The following MPRIP variants were observed in gnomAD, a reference collection of about 807,000 sequenced individuals.
The protein encoded by MPRIP is myosin phosphatase Rho-interacting protein.
In MPRIP, 59 loss-of-function variants were observed where a neutral mutation model predicts 234.9. The ratio of observed to expected loss-of-function variants is 0.25; its 90% CI spans 0.20 to 0.31. The LOEUF is 0.31. Among genes scored for constraint, MPRIP ranks in the 10% least tolerant of loss-of-function variants. The probability of loss-of-function intolerance (pLI) is 1.00; values close to 1 mark genes in which losing one functional copy is unlikely to be tolerated. For missense variants in MPRIP, 2,436 were observed against 3,071.0 expected, an observed-to-expected ratio of 0.79 and a Z score of 4.89; for synonymous variants, 1,144 against 1,263.9, an observed-to-expected ratio of 0.91 and a Z score of 2.01.
chr17:17,062,768 T>C (rs2088905988), intron 1 of MPRIP, among the ~76,000 whole-genome samples: 1 of 152,250 alleles, frequency 6.6e-6, no homozygotes, highest in Admixed American at 6.5e-5. Context: ...ACTGTTTCTC[T>C]GTTGGGTGTT....
rs539544183 is a variant in MPRIP at position 17,109,833 on chromosome 17, G to C, written c.268-16869G>C. On this transcript the variant is annotated intron_variant, in intron 3 of 23. Transcript: ENST00000651222. Reference sequence around the variant, plus strand: ...CCAGGAAGTGCTTTGAGGCTGCACAGGTGCACATGCGGATGGGGGTGTGTC... The same window carrying C: ...CCAGGAAGTGCTTTGAGGCTGCACACGTGCACATGCGGATGGGGGTGTGTC... Among the ~76,000 whole-genome samples the C allele has an allele frequency of 1.2e-4, 18 of 152,348 alleles. No homozygotes were observed. In the South Asian group the frequency reaches 3.5e-3, roughly 30 times the overall value.
chr17:17,108,651 C>T (rs1410540838), intron 3 of MPRIP, among the ~76,000 whole-genome samples: 2 of 152,230 alleles, frequency 1.3e-5, no homozygotes, highest in Non-Finnish European at 2.9e-5. Flanking sequence ...GAGGTCTGGG[C>T]CCCCTGAAGC....
chr17:17,052,706 C>A (rs536441375), intron 1 of MPRIP, among the ~76,000 whole-genome samples: 5 of 152,342 alleles, frequency 3.3e-5, no homozygotes, highest in Admixed American at 2.0e-4. Context: ...TCGCCCAGAT[C>A]TTCACCTCTC....
intron 1 of MPRIP, among the ~76,000 whole-genome samples, chr17:17,045,811 T>TG (rs993794035): frequency 6.6e-6 from 1 of 151,582 alleles, no homozygotes; most frequent in Non-Finnish European, 1.5e-5. Context: ...TATACAGTTT[T>TG]TTTTTTTTTT....
chr17:17,106,017 C>A (rs10852844), intron 3 of MPRIP, among the ~76,000 whole-genome samples: 18,832 of 152,216 alleles, frequency 0.12, 1,624 homozygotes, highest in East Asian at 0.29. Context: ...AGATTAAGCA[C>A]ACCTGTGTAG....
Position 17,164,909 on chromosome 17 carries a change from G to A in MPRIP, c.3318G>A (p.Glu1106=). 7.7e-7 allele frequency: 1 copy of A among 1,303,854 alleles called. No homozygotes were observed. Among genetic ancestry groups the A allele is most frequent in the Non-Finnish European group, 1.0e-6 (1 of 988,712 alleles). The allele number at this position is 1,303,854 out of a possible 1,614,324, so 80.8% of individuals were successfully genotyped here. ...LAEHVQSLCD[E]RDLLRQRFQE... ...AGCACGTGCAGAGCCTCTGTGACGAGCGGGACCTCCTCAGACAGCGGTTCC... is the reference window on the plus strand; with the variant it reads ...AGCACGTGCAGAGCCTCTGTGACGAACGGGACCTCCTCAGACAGCGGTTCC... Residue 1106 remains glutamate (E), a synonymous_variant, in exon 16 of 24, where the codon GAG becomes GAA. Coordinates refer to ENST00000651222, the MANE Select transcript of MPRIP (RefSeq NM_001364716.4).
At chr17:17,134,307 G>C (rs983444724) in intron 5 of MPRIP, among the ~76,000 whole-genome samples, 3 of 152,170 alleles carry the variant, frequency 2.0e-5, no homozygotes, top group African/African-American at 7.2e-5. Context: ...CTGCTGCCGG[G>C]GTGGGCAGTT....
At position 17,171,716 on chromosome 17, in the gene MPRIP, A is replaced by G; in HGVS notation, c.6325-2A>G. 6.2e-7 allele frequency: 1 copy of G among 1,608,112 alleles called. No individual in the cohort carries two copies. Among genetic ancestry groups the G allele is most frequent in the Non-Finnish European group, 8.5e-7 (1 of 1,178,918 alleles). On this transcript the variant is annotated splice_acceptor_variant, in intron 16 of 23. Transcript: ENST00000651222. LOFTEE classifies it high-confidence loss of function. ...CGATGAAGTCCCTTTTGCATTTTGC[A>G]GGCCACGTGCGAGCGAGGGTTTGCA...
intron 1 of MPRIP, among the ~76,000 whole-genome samples, chr17:17,052,949 T>G (rs16961288): frequency 0.082 from 12,499 of 152,106 alleles, 724 homozygotes; most frequent in East Asian, 0.17. Context: ...TCGTGGTCCT[T>G]CCCATAGATA....
Position 17,165,623 on chromosome 17 carries a change from C to T in MPRIP, c.4032C>T (p.Ser1344=), listed in dbSNP as rs200227865. The change falls in exon 16 of 24, where the codon AGC becomes AGT. Residue 1344 remains serine (S), a synonymous_variant. Coordinates refer to ENST00000651222, the MANE Select transcript of MPRIP (RefSeq NM_001364716.4). ...HPEGSEKTWT[S]STSSDTSQDR... is the part of the protein sequence containing the mutation. ...AAGGGTCTGAGAAGACCTGGACCAG[C>T]AGCACATCTTCCGACACCAGCCAGG... 8,374 of 1,304,928 alleles carry T rather than the reference C, an allele frequency of 6.4e-3. 36 individuals carry two copies. Among genetic ancestry groups the T allele is most frequent in the Middle Eastern group, 0.014 (65 of 4,702 alleles). 80.8% of individuals were successfully genotyped at this position (1,304,928 alleles called of 1,614,324 possible).
intron 3 of MPRIP, among the ~76,000 whole-genome samples, chr17:17,087,168 T>C (rs8067563): frequency 0.083 from 12,561 of 152,144 alleles, 733 homozygotes; most frequent in East Asian, 0.17. Context: ...AGGGTGACAG[T>C]TGGGGGTTCC....
chr17:17,139,319 AG>A (rs1228730498), intron 7 of MPRIP, among the ~76,000 whole-genome samples: 14 of 152,228 alleles, frequency 9.2e-5, no homozygotes, highest in Admixed American at 4.6e-4. Context: ...AGGGTTCCTC[AG>A]CCAGGTTTAT....
chr17:17,141,775 C>T (rs1284943135), intron 7 of MPRIP: 1 of 152,598 alleles, frequency 6.6e-6, no homozygotes, highest in Non-Finnish European at 1.5e-5. Flanking sequence ...CTTAGGTGCC[C>T]CTGGGAGAAC....
chr17:17,147,454 G>A (rs2045497981), intron 11 of MPRIP, 67 bp downstream of exon 11: 1 of 1,438,756 alleles, frequency 7.0e-7, no homozygotes, highest in African/African-American at 1.4e-5. Context: ...TCTGGGGCTA[G>A]TAGATCTGCT....
Position 17,167,270 on chromosome 17 carries a change from G to A in MPRIP, c.5679G>A (p.Glu1893=). 1 of 1,303,956 alleles carries A rather than the reference G, an allele frequency of 7.7e-7. No individual in the cohort carries two copies. 80.8% of individuals were successfully genotyped at this position (1,303,956 alleles called of 1,614,324 possible). A position where few individuals can be genotyped will look rare whatever the true frequency, so the allele number is the denominator to read the frequency against. ...GGGCCCTGAGGGAGGAGTATGAGGA[G>A]CTTCTCCGCAAGCAGAAGAGCGAGT... is the stretch of plus-strand genomic sequence containing the variant. ...AARALREEYE[E]LLRKQKSEYL... Residue 1893 remains glutamate, a synonymous_variant, in exon 16 of 24, where the codon GAG becomes GAA. Coordinates refer to ENST00000651222, the MANE Select transcript of MPRIP (RefSeq NM_001364716.4). This position sits in a 1 kb window ranked among gnomAD's most constrained non-coding sequence, Gnocchi z 5.9.
chr17:17,113,063 T>A (rs1306184332), intron 3 of MPRIP, among the ~76,000 whole-genome samples: 1 of 152,182 alleles, frequency 6.6e-6, no homozygotes, highest in African/African-American at 2.4e-5. Flanking sequence ...TCCCCAGGGT[T>A]GGGGCTGGAA....
rs1197147640 is a variant in MPRIP at position 17,164,525 on chromosome 17, ACAGCAGGCGCTG to A, written c.2939_2950del (p.Gln980_Gln983del). 8.3e-7 allele frequency: 1 copy of A among 1,209,326 alleles called. No homozygotes were observed. The highest frequency in any genetic ancestry group is 5.8e-5 in the East Asian group (1 of 17,352). 74.9% of individuals were successfully genotyped at this position (1,209,326 alleles called of 1,614,324 possible). On this transcript the variant is annotated inframe_deletion, in exon 16 of 24. Transcript: ENST00000651222. ...CGCAGGAGCTACGGGGCCTGGAGAC[ACAGCAGGCGCTG>A]CAGCGGGACCGGCAGAAGGAGGTCC...
intron 23 of MPRIP, chr17:17,183,335 C>G (rs1357364268): frequency 6.6e-6 from 1 of 152,432 alleles, no homozygotes; most frequent in South Asian, 2.1e-4. Context: ...CCTGCCTCAG[C>G]CTCCCATGTA....
chr17:17,160,451 C>T (rs969254837), intron 14 of MPRIP, among the ~76,000 whole-genome samples: 1 of 152,236 alleles, frequency 6.6e-6, no homozygotes, highest in Non-Finnish European at 1.5e-5. Context: ...TGACTGTCCA[C>T]CACACACACA....
Sources: gnomAD v4.1 joint callset for allele counts (sites outside exome capture counted in the v4.1 genomes callset) on GRCh38, gnomAD v4.1.1 for gene constraint, Gnocchi (gnomAD v3.1) non-coding constraint, MANE v1.5 for transcripts, NCBI Gene and HGNC (gene_info 2026-07-23, HGNC 2026-07-21) for gene names.